Variants in CNKSR2 observed in about 807,000 individuals in gnomAD.
CNKSR2 encodes CNK homolog protein 2.
CNKSR2 carries 14 observed loss-of-function variants against 84.4 expected under a neutral mutation model. That is an observed-to-expected ratio of 0.17 (90% CI 0.11 to 0.26). The LOEUF (loss-of-function observed/expected upper bound fraction) is 0.26, where lower values mean the gene tolerates loss of function less well. Among genes scored for constraint, CNKSR2 ranks in the 10% least tolerant of loss-of-function variants. The pLI is 1.00. For missense variants in CNKSR2, 485 were observed against 771.2 expected, an observed-to-expected ratio of 0.63 and a Z score of 4.40; for synonymous variants, 275 against 277.9, an observed-to-expected ratio of 0.99 and a Z score of 0.10.
intron 9 of CNKSR2, among the ~76,000 whole-genome samples, chrX:21,520,486 AAAC>A (rs1186160036): frequency 9.1e-6 from 1 of 109,887 alleles, no homozygotes; most frequent in African/African-American, 3.3e-5. Context: ...AATGAAAAAA[AAAC>A]AAAGAATTGT....
Position 21,609,443 on chromosome X carries a change from G to A in CNKSR2, c.2518G>A (p.Gly840Ser). ...GATGCAAGTGCTAAATGGAAATGGG[G>A]GCAAGCCTCGAAGTTTTACTCTGCC... Reference protein sequence around the residue: ...ERMQVLNGNGGKPRSFTLPRD... With the variant: ...ERMQVLNGNGSKPRSFTLPRD... Residue 840 changes from glycine to serine, a missense_variant, in exon 20 of 22, where the codon GGC becomes AGC. Gly to Ser is a moderately conservative substitution (Grantham distance 56). Around this residue, in one of 5 missense-constraint regions of CNKSR2, gnomAD observed 210 missense variants for 291.5 expected, o/e 0.72. Transcript: ENST00000379510. The A allele has an allele frequency of 8.3e-7, 1 of 1,210,896 alleles. No individual in the cohort carries two copies. The highest frequency in any genetic ancestry group is 1.1e-6 in the Non-Finnish European group (1 of 895,292).
At chrX:21,376,693 G>A (rs1028576101) in intron 1 of CNKSR2, among the ~76,000 whole-genome samples, 7 of 112,231 alleles carry the variant, frequency 6.2e-5, no homozygotes, top group South Asian at 3.7e-4. Flanking sequence ...CTTTGAATTT[G>A]TCTAAAAGGT....
At chrX:21,394,754 GAGTTTTATTATAAA>G (rs2090098188) in intron 1 of CNKSR2, among the ~76,000 whole-genome samples, 1 of 111,497 alleles carries the variant, frequency 9.0e-6, no homozygotes, top group African/African-American at 3.3e-5. Context: ...TGGAATGTAA[GAGTTTTATTATAAA>G]AGGTTTATTA....
At chrX:21,624,843 T>C (rs2092616246) in intron 20 of CNKSR2, among the ~76,000 whole-genome samples, 1 of 112,589 alleles carries the variant, frequency 8.9e-6, no homozygotes, top group African/African-American at 3.2e-5. Flanking sequence ...TTGCACAGTT[T>C]CTAAAATCAG....
chrX:21,401,051 C>T (rs1482168674), intron 1 of CNKSR2, among the ~76,000 whole-genome samples: 2 of 111,178 alleles, frequency 1.8e-5, no homozygotes, highest in Non-Finnish European at 3.8e-5. Flanking sequence ...TTAAACTATA[C>T]CTTGTTCAAG....
chrX:21,539,551 T>G (rs1333436626), intron 11 of CNKSR2, among the ~76,000 whole-genome samples: 1 of 111,605 alleles, frequency 9.0e-6, no homozygotes, highest in East Asian at 2.8e-4. Flanking sequence ...CCTTTGGAAG[T>G]GTCATATTTC....
At chrX:21,506,987 G>GTT (rs781431322) in intron 8 of CNKSR2, among the ~76,000 whole-genome samples, 9 of 99,118 alleles carry the variant, frequency 9.1e-5, no homozygotes, top group African/African-American at 2.5e-4. Context: ...CCCCCCACCC[G>GTT]TTTTTTTTTT....
At chrX:21,534,857 T>C (rs1031202941) in intron 11 of CNKSR2, among the ~76,000 whole-genome samples, 1 of 111,398 alleles carries the variant, frequency 9.0e-6, no homozygotes, top group African/African-American at 3.3e-5. Context: ...ATGAATTGTT[T>C]CCTTTGCTCT....
intron 18 of CNKSR2, among the ~76,000 whole-genome samples, chrX:21,604,403 C>T (rs967201237): frequency 2.1e-4 from 23 of 110,966 alleles, no homozygotes; most frequent in Non-Finnish European, 4.2e-4. Context: ...CAACATGGCA[C>T]ATGTATACAT....
intron 1 of CNKSR2, among the ~76,000 whole-genome samples, chrX:21,391,376 A>G (rs1444473779): frequency 8.9e-6 from 1 of 112,327 alleles, no homozygotes; most frequent in Admixed American, 9.4e-5. Context: ...AGATCCTCTG[A>G]AATCTAGGCA....
At chrX:21,463,053 G>T (rs1234985761) in intron 4 of CNKSR2, among the ~76,000 whole-genome samples, 1 of 110,488 alleles carries the variant, frequency 9.1e-6, no homozygotes, top group Non-Finnish European at 1.9e-5. Context: ...ATGTTGAATT[G>T]TATCAAATTC....
At chrX:21,386,392 C>A (rs2089970807) in intron 1 of CNKSR2, among the ~76,000 whole-genome samples, 1 of 111,608 alleles carries the variant, frequency 9.0e-6, no homozygotes, top group Admixed American at 9.5e-5. Context: ...AATTTTAATG[C>A]TAGAGGAAAT....
intron 7 of CNKSR2, 30 bp downstream of exon 7, chrX:21,497,876 GTGTGTT>G (rs1468826050): frequency 1.5e-6 from 1 of 686,987 alleles, no homozygotes; most frequent in Non-Finnish European, 2.4e-6. Flanking sequence ...AAATTTTTAA[GTGTGTT>G]TTTCCCTTTT....
At chrX:21,581,448 G>C (rs2092352400) in intron 13 of CNKSR2, among the ~76,000 whole-genome samples, 1 of 111,908 alleles carries the variant, frequency 8.9e-6, no homozygotes, top group African/African-American at 3.2e-5. Context: ...GCTGAGAAAT[G>C]AGCATTCTAA....
At chrX:21,502,946 A>G (rs1352129036) in intron 8 of CNKSR2, among the ~76,000 whole-genome samples, 1 of 111,283 alleles carries the variant, frequency 9.0e-6, no homozygotes, top group Non-Finnish European at 1.9e-5. Context: ...TCAGTAGACG[A>G]GTAGCTTTTC....
At chrX:21,619,839 G>T (rs993904449) in intron 20 of CNKSR2, among the ~76,000 whole-genome samples, 5 of 109,762 alleles carry the variant, frequency 4.6e-5, no homozygotes, top group South Asian at 7.9e-4. Context: ...AACACACATG[G>T]GTTCACATGC....
At chrX:21,412,331 T>G (rs760586382) in intron 1 of CNKSR2, among the ~76,000 whole-genome samples, 1 of 112,291 alleles carries the variant, frequency 8.9e-6, no homozygotes, top group African/African-American at 3.2e-5. Context: ...CCTGGCACCT[T>G]GGCAAAGATG....
intron 1 of CNKSR2, among the ~76,000 whole-genome samples, chrX:21,396,738 A>G (rs1277485243): frequency 1.8e-5 from 2 of 111,972 alleles, no homozygotes; most frequent in African/African-American, 6.5e-5. Context: ...CTATGCCCTC[A>G]TGTTACTTGT....
At chrX:21,504,676 C>CT in intron 8 of CNKSR2, 1 of 286,662 alleles carries the variant, frequency 3.5e-6, no homozygotes, top group Admixed American at 6.3e-5. Flanking sequence ...TTCAAGATGT[C>CT]TAATTAGATG....
Sources: gnomAD v4.1 joint callset for allele counts (sites outside exome capture counted in the v4.1 genomes callset) on GRCh38, gnomAD v4.1.1 for gene constraint, gnomAD v4.1.1 regional missense constraint, MANE v1.5 for transcripts, NCBI Gene and HGNC (gene_info 2026-07-23, HGNC 2026-07-21) for gene names.